ATG7: variants seen among roughly 807,000 people sequenced by gnomAD.
The protein encoded by ATG7 is ubiquitin-like modifier-activating enzyme ATG7.
Under a neutral mutation model 82.4 loss-of-function variants are expected in ATG7, and 70 were observed. The ratio of observed to expected loss-of-function variants is 0.85; its 90% CI spans 0.70 to 1.04. The LOEUF (loss-of-function observed/expected upper bound fraction) is 1.04. ATG7 is among the 50% of genes least tolerant of loss of function. ATG7 has a pLI of 0.00. For missense variants in ATG7, 792 were observed against 864.3 expected (o/e 0.92, Z 1.05); for synonymous variants, 287 against 313.0 (o/e 0.92, Z 0.88).
At chr3:11,375,788 G>C (rs1027782451) in intron 18 of ATG7, among the ~76,000 whole-genome samples, 5 of 152,148 alleles carry the variant, frequency 3.3e-5, no homozygotes, top group Admixed American at 3.3e-4. Context: ...TTGAATTCCC[G>C]ACCTTGTGAT....
chr3:11,307,498 C>G (rs1000226037), intron 6 of ATG7, among the ~76,000 whole-genome samples: 2 of 152,226 alleles, frequency 1.3e-5, no homozygotes, highest in African/African-American at 4.8e-5. Flanking sequence ...CTTCACTTAT[C>G]TACTGCATCT....
At chr3:11,371,072 A>G (rs2076964186) in intron 18 of ATG7, among the ~76,000 whole-genome samples, 1 of 151,066 alleles carries the variant, frequency 6.6e-6, no homozygotes, top group Non-Finnish European at 1.5e-5. Flanking sequence ...CCAAAATGAG[A>G]TGCAATGTAT....
downstream of ATG7, chr3:11,558,113 G>A (rs558479644): frequency 2.6e-4 from 48 of 187,762 alleles, 1 homozygote; most frequent in South Asian, 3.2e-3. Context: ...GTATACACAC[G>A]CACACACATG....
At chr3:11,436,545 A>G (rs1034237159) in intron 20 of ATG7, among the ~76,000 whole-genome samples, 4 of 152,094 alleles carry the variant, frequency 2.6e-5, no homozygotes, top group Admixed American at 6.6e-5. Context: ...AAAATTGTAT[A>G]TGTGTGTGTG....
intron 19 of ATG7, among the ~76,000 whole-genome samples, chr3:11,391,180 G>A (rs994412132): frequency 7.2e-5 from 11 of 152,118 alleles, no homozygotes; most frequent in Non-Finnish European, 2.9e-5. Context: ...GACAAAAAAG[G>A]AGGGGAACAA....
chr3:11,519,911 T>C, intron 20 of ATG7, among the ~76,000 whole-genome samples: 1 of 152,122 alleles, frequency 6.6e-6, no homozygotes, highest in East Asian at 1.9e-4. Context: ...AACCAAATCA[T>C]CTTCACTTCC....
intron 9 of ATG7, among the ~76,000 whole-genome samples, chr3:11,316,617 A>G (rs567062826): frequency 6.6e-6 from 1 of 152,322 alleles, no homozygotes; most frequent in African/African-American, 2.4e-5. Flanking sequence ...ATTAGACTGT[A>G]AGCTCCAAGA....
At chr3:11,411,821 G>A (rs980045816) in intron 19 of ATG7, among the ~76,000 whole-genome samples, 2 of 151,832 alleles carry the variant, frequency 1.3e-5, no homozygotes, top group Non-Finnish European at 2.9e-5. Flanking sequence ...TTTGCCCTGT[G>A]TTTTCTTCTA....
chr3:11,301,085 G>A (rs370568365), intron 5 of ATG7, among the ~76,000 whole-genome samples: 1 of 152,146 alleles, frequency 6.6e-6, no homozygotes. Context: ...AGGACACAGG[G>A]GTTGTCAGAG....
At chr3:11,461,182 T>C (rs2086266107) in intron 20 of ATG7, among the ~76,000 whole-genome samples, 1 of 152,148 alleles carries the variant, frequency 6.6e-6, no homozygotes, top group African/African-American at 2.4e-5. Context: ...GAATAGACTT[T>C]TCTAAAATGA....
At chr3:11,406,151 G>A (rs1330526209) in intron 19 of ATG7, among the ~76,000 whole-genome samples, 1 of 151,914 alleles carries the variant, frequency 6.6e-6, no homozygotes, top group Non-Finnish European at 1.5e-5. Flanking sequence ...CCCCACGCCT[G>A]GCTAATTTTT....
At chr3:11,534,761 G>C (rs1231697757) in intron 20 of ATG7, among the ~76,000 whole-genome samples, 1 of 152,200 alleles carries the variant, frequency 6.6e-6, no homozygotes, top group Non-Finnish European at 1.5e-5. Flanking sequence ...TTGACCACCT[G>C]GGGGGAGTCA....
intron 20 of ATG7, among the ~76,000 whole-genome samples, chr3:11,549,817 G>A (rs560838956): frequency 2.6e-5 from 4 of 152,310 alleles, no homozygotes; most frequent in Admixed American, 1.3e-4. Context: ...TTCCTCCAAA[G>A]TGGTTTTGCC....
chr3:11,484,691 C>G (rs1015539672), intron 20 of ATG7, among the ~76,000 whole-genome samples: 6 of 152,140 alleles, frequency 3.9e-5, no homozygotes, highest in Non-Finnish European at 8.8e-5. Context: ...CTAAAGCTAT[C>G]CCTCCCCTGA....
chr3:11,353,449 GA>G, intron 14 of ATG7, among the ~76,000 whole-genome samples: 1 of 152,064 alleles, frequency 6.6e-6, no homozygotes, highest in Non-Finnish European at 1.5e-5. Context: ...TCTCAAAAAA[GA>G]AAAAAGAAAA....
At chr3:11,289,641 A>G (rs1260922245) in intron 3 of ATG7, among the ~76,000 whole-genome samples, 2 of 152,018 alleles carry the variant, frequency 1.3e-5, no homozygotes, top group Non-Finnish European at 1.5e-5. Context: ...TGCAGCCTCA[A>G]CCTCCTGGTG....
chr3:11,291,947 T>C (rs1164453936), intron 3 of ATG7, among the ~76,000 whole-genome samples: 1 of 152,202 alleles, frequency 6.6e-6, no homozygotes, highest in Non-Finnish European at 1.5e-5. Flanking sequence ...AGCTTTCGTT[T>C]GTTTGTTTAA....
the ATG7 span, among the ~76,000 whole-genome samples, chr3:11,573,283 GAAA>G: frequency 0.012 from 160 of 13,506 alleles, 16 homozygotes; most frequent in African/African-American, 0.044. Context: ...AAGAAAGAAA[GAAA>G]GAAAGAAAGA....
intron 20 of ATG7, among the ~76,000 whole-genome samples, chr3:11,501,323 C>A (rs1192961066): frequency 1.3e-5 from 2 of 152,144 alleles, no homozygotes; most frequent in African/African-American, 2.4e-5. Context: ...AAAATTAACC[C>A]AGGGATATCA....
Sources: allele counts gnomAD v4.1 joint callset (sites outside exome capture counted in the v4.1 genomes callset), GRCh38; gene constraint gnomAD v4.1.1; transcripts MANE v1.5; gene names NCBI Gene and HGNC (gene_info 2026-07-23, HGNC 2026-07-21).